The following OPRM1 variants were observed in gnomAD, a reference collection of about 807,000 sequenced individuals.
OPRM1 encodes opioid receptor mu 1, also known as mu-type opioid receptor.
OPRM1 carries 27 observed loss-of-function variants against 31.8 expected under a neutral mutation model. The observed-to-expected ratio is 0.85, with a 90% confidence interval of 0.63 to 1.17. The LOEUF (loss-of-function observed/expected upper bound fraction) is 1.17. OPRM1 is among the 50% of genes most tolerant of loss of function. The pLI is 0.00. For synonymous variants in OPRM1, 196 were observed against 189.9 expected (o/e 1.03, Z -0.26); for missense variants, 536 against 511.1 (o/e 1.05, Z -0.47).
intron 3 of OPRM1, among the ~76,000 whole-genome samples, chr6:154,234,375 C>G (rs1779953448): frequency 6.6e-6 from 1 of 152,200 alleles, no homozygotes; most frequent in South Asian, 2.1e-4. Context: ...TCTACCCTCT[C>G]TCACTTCCCT....
chr6:154,087,877 A>G (rs1287296736), intron 1 of OPRM1: 1 of 152,232 alleles, frequency 6.6e-6, no homozygotes, highest in Non-Finnish European at 1.5e-5. Flanking sequence ...CATCAGATAT[A>G]ATGTATTATT....
chr6:154,202,243 C>T (rs187667703), intron 3 of OPRM1, among the ~76,000 whole-genome samples: 6 of 152,140 alleles, frequency 3.9e-5, no homozygotes, highest in South Asian at 2.1e-4. Flanking sequence ...TATACTGGCA[C>T]GTACATAAAA....
At chr6:154,216,068 G>A (rs1192140562) in intron 3 of OPRM1, among the ~76,000 whole-genome samples, 3 of 152,086 alleles carry the variant, frequency 2.0e-5, no homozygotes, top group African/African-American at 7.2e-5. Flanking sequence ...GCAATTTGAT[G>A]ATAATATTAA....
At chr6:154,164,373 T>A (rs1425957830) in intron 3 of OPRM1, among the ~76,000 whole-genome samples, 1 of 152,144 alleles carries the variant, frequency 6.6e-6, no homozygotes, top group Non-Finnish European at 1.5e-5. Flanking sequence ...AGTTCTTCTA[T>A]GGATGAAAGA....
chr6:154,215,629 T>A (rs1778333919), intron 3 of OPRM1, among the ~76,000 whole-genome samples: 1 of 151,676 alleles, frequency 6.6e-6, no homozygotes, highest in Admixed American at 6.6e-5. Context: ...ATAAATAAAA[T>A]TTAAAAAAAT....
chr6:154,050,490 G>C (rs1781972350), intron 1 of OPRM1, among the ~76,000 whole-genome samples: 1 of 152,098 alleles, frequency 6.6e-6, no homozygotes, highest in South Asian at 2.1e-4. Context: ...AGTGAAATAA[G>C]CCAGGCACAG....
Position 154,131,160 on chromosome 6 carries a change from A to G in OPRM1, c.*12439A>G, listed in dbSNP as rs977896657. ...CACTAGAAAAGAAAAGATGTCCTCCATGTTTTAAATTGCATTTGAAATTCA... is the reference window on the plus strand; with the variant it reads ...CACTAGAAAAGAAAAGATGTCCTCCGTGTTTTAAATTGCATTTGAAATTCA... On this transcript the variant is annotated 3_prime_UTR_variant, in exon 4 of 4. Transcript: ENST00000330432. Among the ~76,000 whole-genome samples the G allele has an allele frequency of 9.9e-5, 15 of 152,202 alleles. No homozygotes were observed. Among genetic ancestry groups the G allele is most frequent in the African/African-American group, 3.6e-4 (15 of 41,450 alleles).
intron 3 of OPRM1, among the ~76,000 whole-genome samples, chr6:154,224,412 G>C (rs1435864172): frequency 8.6e-5 from 13 of 152,036 alleles, no homozygotes; most frequent in Admixed American, 3.9e-4. Flanking sequence ...CCTCTTATAA[G>C]ATTCAAAACT....
At chr6:154,011,584 A>C (rs1777729831) in intron 1 of OPRM1, among the ~76,000 whole-genome samples, 2 of 152,174 alleles carry the variant, frequency 1.3e-5, no homozygotes, top group Admixed American at 6.5e-5. Context: ...TTAGTTGAAA[A>C]AATACATATT....
chr6:154,019,751 T>TC (rs1554254105), intron 1 of OPRM1, among the ~76,000 whole-genome samples: 23 of 146,910 alleles, frequency 1.6e-4, no homozygotes, highest in East Asian at 9.8e-4. Context: ...TCTTTTCTTT[T>TC]TTTTTTTTTT....
chr6:154,166,831 T>G (rs797007620), intron 3 of OPRM1, among the ~76,000 whole-genome samples: 53 of 152,344 alleles, frequency 3.5e-4, no homozygotes, highest in African/African-American at 1.2e-3. Flanking sequence ...ATCAAATATA[T>G]TCATCAGCTT....
At chr6:154,190,964 G>A (rs758018606) in intron 3 of OPRM1, among the ~76,000 whole-genome samples, 8 of 152,122 alleles carry the variant, frequency 5.3e-5, no homozygotes, top group Admixed American at 1.3e-4. Flanking sequence ...GCTGAGGCAG[G>A]AGAATGGCAT....
chr6:154,186,848 G>A (rs1037110176), intron 3 of OPRM1, among the ~76,000 whole-genome samples: 1 of 151,988 alleles, frequency 6.6e-6, no homozygotes, highest in Non-Finnish European at 1.5e-5. Context: ...GAGCCACCAC[G>A]CCCGGCCCAG....
rs144909293 is a variant in OPRM1 at position 154,122,920 on chromosome 6, C to G, written c.*4199C>G. ...GGAGTAAAGTGAAAGTGAAATGGGT[C>G]AGGATCAATGGTCTCATTGTCTAAG... is the stretch of plus-strand genomic sequence containing the variant. On this transcript the variant is annotated 3_prime_UTR_variant, in exon 4 of 4. Coordinates refer to ENST00000330432, the MANE Select transcript of OPRM1 (RefSeq NM_000914.5). Among the ~76,000 whole-genome samples the G allele has an allele frequency of 6.6e-6, 1 of 152,244 alleles. No homozygotes were observed. The highest frequency in any genetic ancestry group is 2.4e-5 in the African/African-American group (1 of 41,540).
chr6:154,144,318 G>A (rs1798303417), intron 3 of OPRM1, among the ~76,000 whole-genome samples: 1 of 152,144 alleles, frequency 6.6e-6, no homozygotes, highest in African/African-American at 2.4e-5. Context: ...TACTTTCAAA[G>A]CTACTGTTAT....
chr6:154,022,514 G>A (rs563428720), intron 1 of OPRM1, among the ~76,000 whole-genome samples: 1 of 132,620 alleles, frequency 7.5e-6, no homozygotes, highest in South Asian at 2.3e-4. Context: ...TGTCTCTTCA[G>A]TTTGTTGATT....
intron 1 of OPRM1, among the ~76,000 whole-genome samples, chr6:154,017,739 C>T (rs759784435): frequency 7.9e-5 from 12 of 152,118 alleles, no homozygotes; most frequent in Non-Finnish European, 1.5e-4. Flanking sequence ...TACAGGTGAC[C>T]ATGGTTAACT....
At chr6:154,177,320 G>A (rs1201375529) in intron 3 of OPRM1, among the ~76,000 whole-genome samples, 1 of 152,178 alleles carries the variant, frequency 6.6e-6, no homozygotes, top group Non-Finnish European at 1.5e-5. Flanking sequence ...CTTCTGCACA[G>A]CAAAAGAAAC....
chr6:154,223,391 C>T, intron 3 of OPRM1: 1 of 665,138 alleles, frequency 1.5e-6, no homozygotes, highest in Non-Finnish European at 2.7e-6. Flanking sequence ...ATGGAGGTGT[C>T]CCAGATACAC....
Sources: allele counts gnomAD v4.1 joint callset (sites outside exome capture counted in the v4.1 genomes callset), GRCh38; gene constraint gnomAD v4.1.1; transcripts MANE v1.5; gene names NCBI Gene and HGNC (gene_info 2026-07-23, HGNC 2026-07-21).